The following DGKG variants were observed in gnomAD, a reference collection of about 807,000 sequenced individuals.
The protein encoded by DGKG is DAG kinase gamma.
In DGKG, 78 loss-of-function variants were observed where a neutral mutation model predicts 105.3. The ratio of observed to expected loss-of-function variants is 0.74; its 90% confidence interval spans 0.62 to 0.89. The LOEUF (loss-of-function observed/expected upper bound fraction) is 0.89. Ranked by LOEUF, DGKG falls within the 40% of genes least tolerant of loss-of-function variation. DGKG has a pLI of 0.00. For synonymous variants in DGKG, 346 were observed against 367.1 expected, an observed-to-expected ratio of 0.94 and a Z score of 0.66; for missense variants, 958 against 1,020.1, an observed-to-expected ratio of 0.94 and a Z score of 0.83.
intron 3 of DGKG, among the ~76,000 whole-genome samples, chr3:186,299,767 C>CTCTTTCTTTCTTTCTTTCTTTCTT (rs56331660): frequency 1.5e-4 from 14 of 95,548 alleles, no homozygotes; most frequent in East Asian, 7.0e-4. Context: ...TTCTTCTTTT[C>CTCTTTCTTTCTTTCTTTCTTTCTT]TCTTTCTTTC....
intron 24 of DGKG, among the ~76,000 whole-genome samples, chr3:186,153,830 C>A (rs1200741679): frequency 1.3e-5 from 2 of 152,178 alleles, no homozygotes; most frequent in Non-Finnish European, 2.9e-5. Flanking sequence ...AGGGGCCAGG[C>A]GCGGTGGCTC....
chr3:186,228,291 C>T (rs1296693003), intron 20 of DGKG, among the ~76,000 whole-genome samples: 1 of 152,162 alleles, frequency 6.6e-6, no homozygotes, highest in African/African-American at 2.4e-5. Context: ...CCTGATGCCC[C>T]TCTTCCTTCT....
intron 1 of DGKG, among the ~76,000 whole-genome samples, chr3:186,339,462 C>G (rs1725985798): frequency 1.3e-5 from 2 of 152,288 alleles, no homozygotes; most frequent in African/African-American, 4.8e-5. Context: ...CTACTAAAAT[C>G]AAAACCTCAA....
rs144223493 is a variant in DGKG, at chr3:186,213,861, G to T, written c.1827-1976C>A. On this transcript the variant is annotated intron_variant, in intron 20 of 24. Transcript: ENST00000265022. ...GACAGAACCAGTTAAACCTGAAGGA[G>T]AGAATTCTCCAGGGAGGACAGAACG... Among the ~76,000 whole-genome samples, 13 of 152,322 alleles carry T rather than the reference G, an allele frequency of 8.5e-5. No homozygotes were observed. The East Asian group carries it at 2.3e-3, about 27-fold the overall frequency.
At position 186,275,550 on chromosome 3, in the gene DGKG, T is replaced by G; in HGVS notation, c.907A>C (p.Thr303Pro). ...MGVRKQGLCC[T>P]YCKYTVHERC... is the part of the protein sequence containing the mutation. Reference sequence around the variant, plus strand: ...GGTTTGAAGGAAATTTACTCACAAGTGCAGCACAGGCCTTGCTTGCGGACG... The same window carrying G: ...GGTTTGAAGGAAATTTACTCACAAGGGCAGCACAGGCCTTGCTTGCGGACG... Residue 303 changes from threonine (T) to proline (P), a missense_variant, in exon 10 of 25, where the codon ACT becomes CCT. This residue lies in a region of DGKG where 643 missense variants were observed against 619.5 expected (regional missense o/e 1.04). Coordinates refer to ENST00000265022, the MANE Select transcript of DGKG (RefSeq NM_001346.3). 1 of 1,613,960 alleles carries G rather than the reference T, an allele frequency of 6.2e-7. No homozygotes were observed. Among genetic ancestry groups the G allele is most frequent in the Non-Finnish European group, 8.5e-7 (1 of 1,179,794 alleles).
chr3:186,234,038 C>T (rs1023462687), intron 20 of DGKG, among the ~76,000 whole-genome samples: 2 of 152,224 alleles, frequency 1.3e-5, no homozygotes, highest in African/African-American at 4.8e-5. Flanking sequence ...TAGGAAAACT[C>T]ATCACCTTCT....
Position 186,269,760 on chromosome 3 carries a change from C to T in DGKG, c.1000-843G>A, listed in dbSNP as rs542569079. On this transcript the variant is annotated intron_variant, in intron 11 of 24. Transcript: ENST00000265022. Reference sequence around the variant, plus strand: ...TGAGGGTCCATTGGTGCTTTTCACACCTGTTTCCTGGGGAGCTGGTTGTAT... The same window carrying T: ...TGAGGGTCCATTGGTGCTTTTCACATCTGTTTCCTGGGGAGCTGGTTGTAT... 3.3e-5 allele frequency among the ~76,000 whole-genome samples: 5 copies of T among 152,308 alleles called. 1 individual carries two copies. The highest frequency in any genetic ancestry group is 1.2e-4 in the African/African-American group (5 of 41,564).
chr3:186,257,701 C>A, intron 17 of DGKG, 153 bp downstream of exon 17: 7 of 552,794 alleles, frequency 1.3e-5, no homozygotes, highest in South Asian at 2.3e-5. Context: ...TTTTTTTCCA[C>A]CCAAAGCAAA....
At chr3:186,161,353 C>T (rs1716281119) in intron 24 of DGKG, 3 of 1,347,542 alleles carry the variant, frequency 2.2e-6, no homozygotes, top group Non-Finnish European at 2.9e-6. Context: ...ACTGTGAACT[C>T]CTCGAAGTTG....
At chr3:186,213,886 G>A (rs1164369108) in intron 20 of DGKG, among the ~76,000 whole-genome samples, 1 of 152,194 alleles carries the variant, frequency 6.6e-6, no homozygotes, top group Non-Finnish European at 1.5e-5. Context: ...AGGACAGAAC[G>A]AGGGTCAGTG....
intron 12 of DGKG, 110 bp downstream of exon 12, chr3:186,268,691 G>A (rs1391541968): frequency 9.5e-6 from 7 of 738,858 alleles, no homozygotes; most frequent in Admixed American, 6.3e-5. Context: ...TCCTAGCCTC[G>A]CTCCCCTGGC....
chr3:186,321,847 A>T (rs1253640260), intron 1 of DGKG, among the ~76,000 whole-genome samples: 1 of 152,190 alleles, frequency 6.6e-6, no homozygotes, highest in East Asian at 1.9e-4. Context: ...ATGGCAAGGA[A>T]ATGAGAGACC....
intron 20 of DGKG, among the ~76,000 whole-genome samples, chr3:186,242,281 G>A (rs763151703): frequency 1.8e-4 from 28 of 152,058 alleles, no homozygotes; most frequent in Non-Finnish European, 3.5e-4. Context: ...CTCCAGCCCT[G>A]CCCTCTGCAC....
chr3:186,345,097 C>T (rs1726266834), intron 1 of DGKG, among the ~76,000 whole-genome samples: 1 of 152,064 alleles, frequency 6.6e-6, no homozygotes, highest in Admixed American at 6.6e-5. Context: ...ATTTCCATGG[C>T]CATTATATCT....
intron 21 of DGKG, among the ~76,000 whole-genome samples, chr3:186,205,367 G>A (rs941427158): frequency 1.3e-5 from 2 of 151,964 alleles, no homozygotes; most frequent in Admixed American, 1.3e-4. Context: ...AGCATAAAGA[G>A]GCTGGGGCCT....
At position 186,352,672 on chromosome 3, in the gene DGKG, GC is replaced by G. The variant is rs576716456; in HGVS notation, c.-249+9273del. The stretch of plus-strand genomic sequence containing the variant: ...ACCTTTGGCTTCTCTGCCTCCCTCA[GC>G]CCCCTCACATACACTCAGTTACAAG... On this transcript the variant is annotated intron_variant, in intron 1 of 24. Transcript: ENST00000265022. 2.5e-4 allele frequency among the ~76,000 whole-genome samples: 38 copies of G among 152,202 alleles called. 3 individuals carry two copies. In the East Asian group the frequency reaches 2.5e-3, roughly 10 times the overall value.
At chr3:186,174,395 G>T (rs1716971925) in intron 22 of DGKG, among the ~76,000 whole-genome samples, 2 of 152,048 alleles carry the variant, frequency 1.3e-5, no homozygotes, top group South Asian at 2.1e-4. Flanking sequence ...CTTAGAGAAG[G>T]TTATGGAGGA....
chr3:186,295,373 G>A (rs978126923), intron 5 of DGKG, among the ~76,000 whole-genome samples: 2 of 151,814 alleles, frequency 1.3e-5, no homozygotes, highest in African/African-American at 4.8e-5. Context: ...GTGGTGGCAC[G>A]TGCCTGTAGT....
At chr3:186,345,288 T>C (rs887081932) in intron 1 of DGKG, among the ~76,000 whole-genome samples, 1 of 152,222 alleles carries the variant, frequency 6.6e-6, no homozygotes, top group Non-Finnish European at 1.5e-5. Flanking sequence ...GTTTTAAGGG[T>C]TCCTATGGTA....
Sources: allele counts gnomAD v4.1 joint callset (sites outside exome capture counted in the v4.1 genomes callset), GRCh38; gene constraint gnomAD v4.1.1; regional missense constraint gnomAD v4.1.1; transcripts MANE v1.5; gene names NCBI Gene and HGNC (gene_info 2026-07-23, HGNC 2026-07-21).